SLC12A7: variants seen among roughly 807,000 people sequenced by gnomAD.
SLC12A7 encodes K-Cl cotransporter 4.
SLC12A7 carries 100 observed loss-of-function variants against 120.6 expected under a neutral mutation model. That is an observed-to-expected ratio of 0.83 (90% CI 0.71 to 0.98). The LOEUF is 0.98. SLC12A7 is among the 50% of genes least tolerant of loss of function. The probability of loss-of-function intolerance (pLI) is 0.00; values close to 1 mark genes in which losing one functional copy is unlikely to be tolerated. For synonymous variants in SLC12A7, 760 were observed against 678.0 expected (o/e 1.12, Z -1.88); for missense variants, 1,373 against 1,548.1 (o/e 0.89, Z 1.90).
chr5:1,150,256 T>C, the SLC12A7 span, among the ~76,000 whole-genome samples: 1 of 152,198 alleles, frequency 6.6e-6, no homozygotes, highest in Non-Finnish European at 1.5e-5. Flanking sequence ...GCATTTTTTT[T>C]AGTCTGTGCT....
the SLC12A7 span, among the ~76,000 whole-genome samples, chr5:1,154,197 C>T: frequency 6.6e-6 from 1 of 152,188 alleles, no homozygotes; most frequent in East Asian, 1.9e-4. Flanking sequence ...ACCCTAACCC[C>T]TAACCCCTAA....
At chr5:1,101,334 C>G (rs1044420584) in intron 1 of SLC12A7, among the ~76,000 whole-genome samples, 5 of 152,194 alleles carry the variant, frequency 3.3e-5, no homozygotes, top group Non-Finnish European at 7.3e-5. Context: ...CTGACCTATC[C>G]CCAGGGGCCA....
rs571098558 is a variant in SLC12A7, at chr5:1,056,260, C to G, written c.3026+1211G>C. On this transcript the variant is annotated intron_variant, in intron 22 of 23. Transcript: ENST00000264930. ...GGACGTGGATGGACTCACTGACGGGCCCTGCGAGGCGCACGCCTCCCCTCC... is the reference window on the plus strand; with the variant it reads ...GGACGTGGATGGACTCACTGACGGGGCCTGCGAGGCGCACGCCTCCCCTCC... Among the ~76,000 whole-genome samples the G allele has an allele frequency of 1.2e-3, 179 of 152,284 alleles. 1 individual carries two copies. The highest frequency in any genetic ancestry group is 6.7e-3 in the Admixed American group (102 of 15,302).
Position 1,074,592 on chromosome 5 carries a change from C to T in SLC12A7, c.2047G>A (p.Gly683Ser), listed in dbSNP as rs754271147. 1.1e-5 allele frequency: 17 copies of T among 1,612,610 alleles called. No homozygotes were observed. The highest frequency in any genetic ancestry group is 3.3e-5 in the Admixed American group (2 of 59,994). Residue 683 changes from glycine to serine, a missense_variant, in exon 16 of 24, where the codon GGT becomes AGT. By Grantham distance (56) the Gly-to-Ser change is moderately conservative. Transcript: ENST00000264930. ...ARYALLRVEH[G>S]PPHTKNWRPQ... Reference sequence around the variant, plus strand: ...CTCCAGTTCTTGGTGTGGGGGGGACCGTGCTCCACGCGCAGCAGGGCGTAG... The same window carrying T: ...CTCCAGTTCTTGGTGTGGGGGGGACTGTGCTCCACGCGCAGCAGGGCGTAG...
intron 8 of SLC12A7, 98 bp downstream of exon 8, chr5:1,083,647 G>A: frequency 7.9e-7 from 1 of 1,264,166 alleles, no homozygotes; most frequent in Non-Finnish European, 1.1e-6. Flanking sequence ...GGAGGAATTG[G>A]GGCCCTGAGA....
At chr5:1,123,869 G>A in the SLC12A7 span, among the ~76,000 whole-genome samples, 7 of 152,222 alleles carry the variant, frequency 4.6e-5, no homozygotes, top group East Asian at 1.2e-3. Flanking sequence ...GAGGAAACAT[G>A]TTTGAGTAAC....
the SLC12A7 span, among the ~76,000 whole-genome samples, chr5:1,120,797 T>G: frequency 6.6e-6 from 1 of 152,034 alleles, no homozygotes; most frequent in East Asian, 1.9e-4. Context: ...CATGATGCTG[T>G]CTACGTGAAG....
intron 20 of SLC12A7, among the ~76,000 whole-genome samples, chr5:1,061,837 C>T (rs1012528930): frequency 4.6e-5 from 7 of 152,096 alleles, no homozygotes; most frequent in African/African-American, 1.2e-4. Context: ...TGACGTGTAC[C>T]TGTAGTCCCA....
At chr5:1,074,968 C>T (rs1034726916) in intron 15 of SLC12A7, among the ~76,000 whole-genome samples, 2 of 152,118 alleles carry the variant, frequency 1.3e-5, no homozygotes, top group African/African-American at 4.8e-5. Context: ...GTGGCTGGAC[C>T]CCGGGCACGA....
intron 12 of SLC12A7, 146 bp from the exon 13 acceptor site, chr5:1,076,958 C>A (rs574521593): frequency 1.5e-6 from 1 of 647,866 alleles, no homozygotes; most frequent in Admixed American, 2.3e-5. Flanking sequence ...GGACATCACG[C>A]GGCTGGCCTG....
chr5:1,058,019 G>A (rs62329240), intron 21 of SLC12A7, among the ~76,000 whole-genome samples: 125,629 of 152,132 alleles, frequency 0.83, 57,057 homozygotes, highest in East Asian at 1. Context: ...GCACGCAGGC[G>A]TCCCCGTCTC....
the SLC12A7 span, among the ~76,000 whole-genome samples, chr5:1,117,853 C>T: frequency 6.6e-6 from 1 of 152,158 alleles, no homozygotes; most frequent in Non-Finnish European, 1.5e-5. This position sits in a 1 kb window ranked among gnomAD's most constrained non-coding sequence, Gnocchi z 4.5. Context: ...GGGTGGATCA[C>T]GAGGTCAGGA....
In SLC12A7 at chr5:1,065,184, AGGGGACACTGAGGAGACACAC is replaced by A. The variant is rs1185874216; in HGVS notation, c.2437+78_2437+98del. The A allele has an allele frequency of 7.8e-4, 200 of 257,156 alleles. 2 individuals are homozygous for A. The East Asian group carries it at 0.033, about 43-fold the overall frequency. The allele number at this position is 257,156 out of a possible 1,614,324, so 15.9% of individuals were successfully genotyped here. A position where few individuals can be genotyped will look rare whatever the true frequency, so the allele number is the denominator to read the frequency against. On this transcript the variant is annotated intron_variant, in intron 18 of 23. Coordinates refer to ENST00000264930, the MANE Select transcript of SLC12A7 (RefSeq NM_006598.3). ...AAAAGGGGACAGTGAGAGGACAGCG[AGGGGACACTGAGGAGACACAC>A]AGGGGACAGCGAGGGGACACTGAGA... is the stretch of plus-strand genomic sequence containing the variant.
At chr5:1,145,391 C>T in the SLC12A7 span, among the ~76,000 whole-genome samples, 3 of 152,156 alleles carry the variant, frequency 2.0e-5, no homozygotes, top group Non-Finnish European at 2.9e-5. This position sits in a 1 kb window ranked among gnomAD's most constrained non-coding sequence, Gnocchi z 4.4. Flanking sequence ...GCAGAAGCCC[C>T]GAGTGCCCAG....
At chr5:1,101,302 T>C (rs1383888986) in intron 1 of SLC12A7, among the ~76,000 whole-genome samples, 1 of 152,208 alleles carries the variant, frequency 6.6e-6, no homozygotes. Context: ...GTCTGGTGCC[T>C]TCATGAACCC....
the SLC12A7 span, among the ~76,000 whole-genome samples, chr5:1,154,354 A>AGC: frequency 7.8e-5 from 11 of 141,724 alleles, no homozygotes; most frequent in African/African-American, 2.9e-4. Context: ...TGGTGTCCGC[A>AGC]ACACACACAC....
intron 10 of SLC12A7, among the ~76,000 whole-genome samples, chr5:1,079,118 T>C (rs903795124): frequency 2.0e-5 from 3 of 152,032 alleles, no homozygotes; most frequent in African/African-American, 7.2e-5. Context: ...GGGCCCAGCC[T>C]GCCGGCGGCA....
chr5:1,109,449 G>T (rs910690909), intron 1 of SLC12A7, among the ~76,000 whole-genome samples: 1 of 152,140 alleles, frequency 6.6e-6, no homozygotes, highest in Admixed American at 6.5e-5. Context: ...ATTTCAAGAC[G>T]AGGTATTTCA....
In SLC12A7 at chr5:1,065,141, A is replaced by G. The variant is rs1736881053; in HGVS notation, c.2437+142T>C. The G allele has an allele frequency of 9.1e-6, 6 of 656,504 alleles. No homozygotes were observed. The East Asian group carries it at 1.2e-4, about 13-fold the overall frequency. 40.7% of individuals were successfully genotyped at this position (656,504 alleles called of 1,614,324 possible). On this transcript the variant is annotated intron_variant, in intron 18 of 23. Transcript: ENST00000264930. ...GGCGAGGGGATGCAGAGGGGACACC[A>G]AGGGGACAGTGGGGACGAAAAGGGG...
Sources: allele counts gnomAD v4.1 joint callset (sites outside exome capture counted in the v4.1 genomes callset), GRCh38; gene constraint gnomAD v4.1.1; non-coding constraint Gnocchi (gnomAD v3.1); transcripts MANE v1.5; gene names NCBI Gene and HGNC (gene_info 2026-07-23, HGNC 2026-07-21).